The following TJP3 variants were observed in gnomAD, a reference collection of about 807,000 sequenced individuals.
The protein encoded by TJP3 is tight junction protein 3, also known as tight junction protein ZO-3.
In TJP3, 85 loss-of-function variants were observed where a neutral mutation model predicts 104.2. That is an observed-to-expected ratio of 0.82 (90% confidence interval 0.68 to 0.98). The LOEUF is 0.98. Ranked by LOEUF, TJP3 falls within the 50% of genes least tolerant of loss-of-function variation. The probability of loss-of-function intolerance (pLI) is 0.00; values close to 1 mark genes in which losing one functional copy is unlikely to be tolerated. For missense variants in TJP3, 1,367 were observed against 1,322.8 expected (o/e 1.03, Z -0.52); for synonymous variants, 550 against 550.6 (o/e 1.00, Z 0.02).
chr19:3,732,096 G>C, intron 6 of TJP3, 58 bp downstream of exon 6: 1 of 1,427,826 alleles, frequency 7.0e-7, no homozygotes. Context: ...GGGGCGGGCA[G>C]TCCCACGGAG....
chr19:3,715,922 GCACC>G lies in TJP3; in HGVS notation c.-10+7366_-10+7369del, dbSNP rs1568377104. Among the ~76,000 whole-genome samples the G allele has an allele frequency of 2.6e-5, 4 of 151,964 alleles. No homozygotes were observed. In the East Asian group the frequency reaches 7.7e-4, roughly 29 times the overall value. ...GCCTCCCGAGTAGCTGGGATTACAG[GCACC>G]CACCACCACACTCGGCTAATTTTTG... On this transcript the variant is annotated intron_variant, in intron 1 of 20. Coordinates refer to ENST00000541714, the MANE Select transcript of TJP3 (RefSeq NM_001267560.2).
chr19:3,719,548 C>T (rs1291049786), intron 1 of TJP3, among the ~76,000 whole-genome samples: 1 of 151,620 alleles, frequency 6.6e-6, no homozygotes, highest in Non-Finnish European at 1.5e-5. Context: ...CCAGCCTGGC[C>T]AACATGGGGA....
chr19:3,728,761 G>C, intron 3 of TJP3, 48 bp downstream of exon 3: 1 of 1,588,284 alleles, frequency 6.3e-7, no homozygotes, highest in African/African-American at 1.3e-5. Flanking sequence ...CACGTGGAGA[G>C]GAGAAACCAG....
chr19:3,738,276 A>G (rs1450925686), intron 11 of TJP3, among the ~76,000 whole-genome samples: 1 of 152,038 alleles, frequency 6.6e-6, no homozygotes, highest in Non-Finnish European at 1.5e-5. Context: ...GATATTGACA[A>G]CCCACCATGA....
rs1483152353 is a variant in TJP3 at position 3,746,775 on chromosome 19, G to A, written c.2222-1G>A. ...CACACACTGACGTCCCCTCCCTGCAGCCACCATCCCTCTGAATGGCACGAG... is the reference window on the plus strand; with the variant it reads ...CACACACTGACGTCCCCTCCCTGCAACCACCATCCCTCTGAATGGCACGAG... On this transcript the variant is annotated splice_acceptor_variant, in intron 17 of 20. Transcript: ENST00000541714. LOFTEE classifies it high-confidence loss of function. This position sits in a 1 kb window ranked among gnomAD's most constrained non-coding sequence, Gnocchi z 4.1. 6.2e-7 allele frequency: 1 copy of A among 1,607,898 alleles called. No homozygotes were observed. Among genetic ancestry groups the A allele is most frequent in the Non-Finnish European group, 8.5e-7 (1 of 1,177,108 alleles).
chr19:3,714,952 C>G (rs1338848855), intron 1 of TJP3, among the ~76,000 whole-genome samples: 2 of 152,230 alleles, frequency 1.3e-5, no homozygotes, highest in African/African-American at 4.8e-5. Context: ...ACTGAATGCA[C>G]AGAAGAATTA....
chr19:3,711,550 T>C (rs908863538), intron 1 of TJP3, among the ~76,000 whole-genome samples: 2 of 150,274 alleles, frequency 1.3e-5, no homozygotes, highest in African/African-American at 2.4e-5. Context: ...GGCTTTATGA[T>C]ATTAAAGGAT....
Position 3,738,951 on chromosome 19 carries a change from A to G in TJP3, c.1448A>G (p.His483Arg), listed in dbSNP as rs771785111. 1.4e-5 allele frequency: 22 copies of G among 1,612,862 alleles called. No homozygotes were observed. The highest frequency in any genetic ancestry group is 1.8e-5 in the Non-Finnish European group (21 of 1,179,652). The change falls in exon 13 of 21, where the codon CAC becomes CGC. Residue 483 changes from histidine (H) to arginine (R), a missense_variant. His to Arg is a conservative substitution (Grantham distance 29). Coordinates refer to ENST00000541714, the MANE Select transcript of TJP3 (RefSeq NM_001267560.2). The part of the protein sequence containing the change: ...RVGDSFYIRT[H>R]FELEPSPPSG... The stretch of plus-strand genomic sequence containing the variant: ...GGTGACTCCTTCTACATCCGCACTC[A>G]CTTTGAGCTGGAGCCCAGTCCACCG...
At position 3,731,809 on chromosome 19, in the gene TJP3, TCTC is replaced by T. The variant is rs537723897; in HGVS notation, c.614-123_614-121del. ...CGGGTCCTACGGGCGACATCACTGT[TCTC>T]CTTATGATGCCATCAAGGTGTTAGG... On this transcript the variant is annotated intron_variant, in intron 5 of 20. Coordinates refer to ENST00000541714, the MANE Select transcript of TJP3 (RefSeq NM_001267560.2). 1.6e-4 allele frequency: 107 copies of T among 666,546 alleles called. 1 individual carries two copies. In the South Asian group the frequency reaches 2.1e-3, roughly 13 times the overall value. The allele number at this position is 666,546 out of a possible 1,614,324, so 41.3% of individuals were successfully genotyped here.
intron 1 of TJP3, among the ~76,000 whole-genome samples, chr19:3,715,041 C>T (rs974574275): frequency 2.0e-5 from 3 of 151,056 alleles, no homozygotes; most frequent in East Asian, 1.9e-4. Context: ...ATTTTTACTT[C>T]GTGAGGCAAC....
chr19:3,747,526 T>C (rs1599165439), intron 18 of TJP3, among the ~76,000 whole-genome samples: 1 of 152,246 alleles, frequency 6.6e-6, no homozygotes, highest in East Asian at 1.9e-4. Context: ...AGAGACTCCT[T>C]CTCATAAAAA....
At chr19:3,731,865 A>G in intron 5 of TJP3, 70 bp from the exon 6 acceptor site, 1 of 1,353,324 alleles carries the variant, frequency 7.4e-7, no homozygotes, top group Non-Finnish European at 1.0e-6. Flanking sequence ...TGGACTGCTT[A>G]CAGCAGGAGA....
In TJP3 at chr19:3,746,349, C is replaced by G. The variant is rs540551689; in HGVS notation, c.2011-136C>G. 753 of 975,210 alleles carry G rather than the reference C, an allele frequency of 7.7e-4. 1 individual carries two copies. Among genetic ancestry groups the G allele is most frequent in the Non-Finnish European group, 1.1e-3 (707 of 661,248 alleles). 60.4% of individuals were successfully genotyped at this position (975,210 alleles called of 1,614,324 possible). A position where few individuals can be genotyped will look rare whatever the true frequency, so the allele number is the denominator to read the frequency against. ...CTGCGACCTGGGCTGTTACCACCCCCATCCCCAACTTGCTAGCCTGTGGAT... is the reference window on the plus strand; with the variant it reads ...CTGCGACCTGGGCTGTTACCACCCCGATCCCCAACTTGCTAGCCTGTGGAT... On this transcript the variant is annotated intron_variant, in intron 16 of 20. Coordinates refer to ENST00000541714, the MANE Select transcript of TJP3 (RefSeq NM_001267560.2). The surrounding 1 kb of genome is among the most constrained non-coding windows in gnomAD (Gnocchi z 4.1).
Position 3,748,032 on chromosome 19 carries a change from C to T in TJP3, c.2561C>T (p.Ser854Phe), listed in dbSNP as rs1354396306. 6.3e-7 allele frequency: 1 copy of T among 1,599,916 alleles called. No individual in the cohort carries two copies. Among genetic ancestry groups the T allele is most frequent in the East Asian group, 2.3e-5 (1 of 44,248 alleles). ...TCGGAGCCCGTGCAGGCAGATGAGT[C>T]CCAGAGCCCGAGGGATCGTGGGAGA... is the stretch of plus-strand genomic sequence containing the variant. ...RSSEPVQADE[S>F]QSPRDRGRIS... The change falls in exon 19 of 21, where the codon TCC (serine) becomes TTC (phenylalanine). Residue 854 changes from serine to phenylalanine, a missense_variant. Physicochemically the swap from Ser to Phe is radical, Grantham distance 155. Coordinates refer to ENST00000541714, the MANE Select transcript of TJP3 (RefSeq NM_001267560.2).
chr19:3,722,173 A>T (rs1355182571), intron 1 of TJP3, among the ~76,000 whole-genome samples: 4 of 152,178 alleles, frequency 2.6e-5, no homozygotes, highest in Non-Finnish European at 5.9e-5. Flanking sequence ...TTAATACCGC[A>T]GGGCTGGGTT....
intron 9 of TJP3, 73 bp downstream of exon 9, chr19:3,735,712 C>T: frequency 1.2e-6 from 2 of 1,605,030 alleles, no homozygotes; most frequent in Non-Finnish European, 1.7e-6. Context: ...CCAGGCAGAG[C>T]TGGGGGAGGT....
intron 19 of TJP3, 55 bp from the exon 20 acceptor site, chr19:3,750,083 C>A: frequency 1.2e-6 from 2 of 1,610,720 alleles, no homozygotes; most frequent in Non-Finnish European, 1.7e-6. Flanking sequence ...TTATTGATCT[C>A]GACTCACCAT....
intron 5 of TJP3, 85 bp from the exon 6 acceptor site, chr19:3,731,850 G>T: frequency 1.8e-6 from 2 of 1,106,106 alleles, no homozygotes; most frequent in Non-Finnish European, 1.3e-6. Context: ...GGGAGGGCCC[G>T]CACCTGGACT....
intron 19 of TJP3, among the ~76,000 whole-genome samples, chr19:3,749,858 C>T (rs2036966381): frequency 1.3e-5 from 2 of 152,218 alleles, no homozygotes; most frequent in Admixed American, 6.5e-5. Flanking sequence ...AAGTCCTTTA[C>T]GTACATGAAC....
Sources: allele counts gnomAD v4.1 joint callset (sites outside exome capture counted in the v4.1 genomes callset), GRCh38; gene constraint gnomAD v4.1.1; non-coding constraint Gnocchi (gnomAD v3.1); transcripts MANE v1.5; gene names NCBI Gene and HGNC (gene_info 2026-07-23, HGNC 2026-07-21).